The following RNFT1 variants were observed in gnomAD, a reference collection of about 807,000 sequenced individuals.
RNFT1 encodes E3 ubiquitin-protein ligase RNFT1.
In RNFT1, 35 loss-of-function variants were observed where a neutral mutation model predicts 53.2. That is an observed-to-expected ratio of 0.66 (90% CI 0.50 to 0.87). The LOEUF (loss-of-function observed/expected upper bound fraction) is 0.87, where lower values mean the gene tolerates loss of function less well. Ranked by LOEUF, RNFT1 falls within the 40% of genes least tolerant of loss-of-function variation. The pLI, the probability that RNFT1 is intolerant of heterozygous loss-of-function variation, is 0.00. For synonymous variants in RNFT1, 141 were observed against 172.8 expected, an observed-to-expected ratio of 0.82 and a Z score of 1.44; for missense variants, 421 against 515.0, an observed-to-expected ratio of 0.82 and a Z score of 1.77.
intron 6 of RNFT1, 92 bp from the exon 7 acceptor site, chr17:59,956,645 CTCA>C (rs1328031398): frequency 3.7e-6 from 3 of 815,816 alleles, no homozygotes; most frequent in African/African-American, 1.7e-5. Context: ...ACATCAAATC[CTCA>C]TATTAACTTA....
At chr17:59,956,110 A>G (rs1006185837) in intron 7 of RNFT1, among the ~76,000 whole-genome samples, 3 of 152,210 alleles carry the variant, frequency 2.0e-5, no homozygotes, top group Admixed American at 6.5e-5. Flanking sequence ...GGATTTTCAC[A>G]GGTGAATAAG....
chr17:59,958,458 A>C lies in RNFT1; in HGVS notation c.693-14T>G. ...AAAAAAATTAAGCTACCAAAAGAAA[A>C]ACATCAAAATTTATCAGAGCAACAT... On this transcript the variant is annotated splice_polypyrimidine_tract_variant and intron_variant, in intron 4 of 8. Coordinates refer to ENST00000305783, the MANE Select transcript of RNFT1 (RefSeq NM_016125.4). 3 of 1,546,840 alleles carry C rather than the reference A, an allele frequency of 1.9e-6. No individual in the cohort carries two copies. In the South Asian group the frequency reaches 3.7e-5, roughly 19 times the overall value.
At chr17:59,953,950 T>G (rs1207624629) in intron 8 of RNFT1, 95 bp downstream of exon 8, 9 of 502,532 alleles carry the variant, frequency 1.8e-5, no homozygotes, top group African/African-American at 1.7e-4. Context: ...AACACTAGAT[T>G]TTTTTTTTTT....
At chr17:59,959,466 TCTTA>T (rs2045273859) in intron 4 of RNFT1, 1 of 152,258 alleles carries the variant, frequency 6.6e-6, no homozygotes, top group Non-Finnish European at 1.5e-5. Flanking sequence ...TAGTAAGTGT[TCTTA>T]CTTTCAGAAA....
In RNFT1 at chr17:59,963,166, T is replaced by C. The variant is rs768994695; in HGVS notation, c.175A>G (p.Thr59Ala). The C allele has an allele frequency of 2.7e-5, 44 of 1,614,072 alleles. No homozygotes were observed. Among genetic ancestry groups the C allele is most frequent in the Middle Eastern group, 1.6e-4 (1 of 6,084 alleles). Residue 59 changes from threonine (T) to alanine (A), a missense_variant, in exon 2 of 9, where the codon ACC becomes GCC. Transcript: ENST00000305783. ...AATCTTGTGTGGACACACTGAGGGGTTGAGGCATCCTCACTGCTTCCAGTT... is the reference window on the plus strand; with the variant it reads ...AATCTTGTGTGGACACACTGAGGGGCTGAGGCATCCTCACTGCTTCCAGTT... ...PGTGSSEDASTPQCVHTRLTG... is the reference protein window; with the variant it reads ...PGTGSSEDASAPQCVHTRLTG...
chr17:59,958,392 A>G lies in RNFT1; in HGVS notation c.745T>C (p.Trp249Arg). The G allele has an allele frequency of 6.2e-7, 1 of 1,602,176 alleles. No individual in the cohort carries two copies. The highest frequency in any genetic ancestry group is 8.5e-7 in the Non-Finnish European group (1 of 1,177,092). ...ATGAAGTCTGTAATTCCAACAATCC[A>G]AAATACTTCCCAGAAGCTCAAATGG... The part of the protein sequence containing the change: ...LDHLSFWEVF[W>R]IVGITDFILK... Residue 249 changes from tryptophan to arginine, a missense_variant, in exon 5 of 9, where the codon TGG becomes CGG. Physicochemically the swap from Trp to Arg is moderately radical, Grantham distance 101. Transcript: ENST00000305783.
At chr17:59,960,950 T>C (rs903329315) in intron 3 of RNFT1, among the ~76,000 whole-genome samples, 1 of 152,190 alleles carries the variant, frequency 6.6e-6, no homozygotes, top group Non-Finnish European at 1.5e-5. Context: ...ACTTTTTTAA[T>C]ATATGGGGTC....
Position 59,958,449 on chromosome 17 carries a change from CAAAAGA to C in RNFT1, c.693-11_693-6del. The C allele has an allele frequency of 1.3e-6, 2 of 1,555,734 alleles. No individual in the cohort carries two copies. The highest frequency in any genetic ancestry group is 2.5e-5 in the South Asian group (2 of 81,166). ...GTAGGATTTAAAAAAATTAAGCTAC[CAAAAGA>C]AAAACATCAAAATTTATCAGAGCAA... On this transcript the variant is annotated splice_polypyrimidine_tract_variant and splice_region_variant and intron_variant, in intron 4 of 8. Transcript: ENST00000305783.
At chr17:59,962,344 A>G (rs2045299826) in intron 3 of RNFT1, 196 bp downstream of exon 3, 3 of 484,464 alleles carry the variant, frequency 6.2e-6, no homozygotes, top group Non-Finnish European at 1.1e-5. Flanking sequence ...CAAAGAAGGT[A>G]AGGTGAAGGA....
Position 59,962,576 on chromosome 17 carries a change from A to G in RNFT1, c.555T>C (p.Tyr185=). The G allele has an allele frequency of 2.5e-6, 4 of 1,606,978 alleles. No individual in the cohort carries two copies. Among genetic ancestry groups the G allele is most frequent in the Non-Finnish European group, 3.4e-6 (4 of 1,178,110 alleles). The part of the protein sequence containing the change: ...LGIGLLTTFM[Y]ANKSIVNQVF... ...CCTGATTTACAATGCTTTTGTTTGC[A>G]TACATAAAAGTTGTTAGCAGCCCAA... The change falls in exon 3 of 9, where the codon TAT becomes TAC. Residue 185 remains tyrosine (Y), a synonymous_variant. Coordinates refer to ENST00000305783, the MANE Select transcript of RNFT1 (RefSeq NM_016125.4).
Position 59,954,066 on chromosome 17 carries a change from C to T in RNFT1, c.1152G>A (p.Lys384=). 1.3e-6 allele frequency: 2 copies of T among 1,587,414 alleles called. No individual in the cohort carries two copies. Among genetic ancestry groups the T allele is most frequent in the Non-Finnish European group, 1.7e-6 (2 of 1,168,992 alleles). The change falls in exon 8 of 9, where the codon AAG becomes AAA. Residue 384 remains lysine, a synonymous_variant. Coordinates refer to ENST00000305783, the MANE Select transcript of RNFT1 (RefSeq NM_016125.4). ...TTACCTGACAAATGAGAAGAATTGG[C>T]TTCTGAAATTCAGCTTGACATATTG... ...ICSICQAEFQ[K]PILLICQHIF...
intron 3 of RNFT1, among the ~76,000 whole-genome samples, chr17:59,961,639 C>T (rs2045293014): frequency 6.6e-6 from 1 of 151,676 alleles, no homozygotes; most frequent in Non-Finnish European, 1.5e-5. Context: ...TGCAGTGGCA[C>T]AATCTTGGCT....
chr17:59,959,958 AAAACT>A, intron 4 of RNFT1, 105 bp downstream of exon 4: 1 of 1,130,170 alleles, frequency 8.8e-7, no homozygotes, highest in Non-Finnish European at 1.2e-6. Context: ...GAGAAAGTTA[AAAACT>A]GAACTGAACT....
At chr17:59,953,283 C>T (rs1334740007) in intron 8 of RNFT1, among the ~76,000 whole-genome samples, 172 bp from the exon 9 acceptor site, 2 of 151,966 alleles carry the variant, frequency 1.3e-5, no homozygotes, top group East Asian at 1.9e-4. Flanking sequence ...GCAACCTCCG[C>T]CCCCGACTGG....
In RNFT1 at chr17:59,953,054, G is replaced by A. The variant is rs1255672718; in HGVS notation, c.1231C>T (p.Leu411Phe). 3.1e-6 allele frequency: 5 copies of A among 1,612,514 alleles called. No homozygotes were observed. In the Admixed American group the frequency reaches 6.7e-5, roughly 22 times the overall value. ...TGGTCTGAAATCACAGTTCTGCAGA[G>A]TGGACATGTTTTCTCTCTGTTAAAC... is the stretch of plus-strand genomic sequence containing the variant. ...LWFNREKTCP[L>F]CRTVISDHIN... is the part of the protein sequence containing the mutation. Residue 411 changes from leucine (L) to phenylalanine (F), a missense_variant, in exon 9 of 9, where the codon CTC (leucine) becomes TTC (phenylalanine). Physicochemically the swap from Leu to Phe is conservative, Grantham distance 22 (BLOSUM62 0). Coordinates refer to ENST00000305783, the MANE Select transcript of RNFT1 (RefSeq NM_016125.4).
In RNFT1 at chr17:59,957,233, G is replaced by T; in HGVS notation, c.996C>A (p.Leu332=). The T allele has an allele frequency of 1.2e-6, 2 of 1,612,526 alleles. No individual in the cohort carries two copies. The highest frequency in any genetic ancestry group is 2.7e-5 in the African/African-American group (2 of 74,926). ...TTGTAATGTTACCTACTTTTAATAT[G>T]AGGTAGAGTAAAGCCAGCAGTATCC... ...SLGILLALLY[L]ILKLLEFFGH... Residue 332 remains leucine, a synonymous_variant, in exon 6 of 9, where the codon CTC becomes CTA. Transcript: ENST00000305783.
In RNFT1 at chr17:59,963,159, T is replaced by C; in HGVS notation, c.182A>G (p.Gln61Arg). The change falls in exon 2 of 9, where the codon CAG becomes CGG. Residue 61 changes from glutamine to arginine, a missense_variant. Physicochemically the swap from Gln to Arg is conservative, Grantham distance 43. Transcript: ENST00000305783. The stretch of plus-strand genomic sequence containing the variant: ...TCCTGTCAATCTTGTGTGGACACAC[T>C]GAGGGGTTGAGGCATCCTCACTGCT... The part of the protein sequence containing the change: ...TGSSEDASTP[Q>R]CVHTRLTGEG... 1.2e-6 allele frequency: 2 copies of C among 1,614,222 alleles called. No individual in the cohort carries two copies. Among genetic ancestry groups the C allele is most frequent in the Non-Finnish European group, 8.5e-7 (1 of 1,180,026 alleles).
chr17:59,961,957 C>T (rs1423675312), intron 3 of RNFT1, among the ~76,000 whole-genome samples: 6 of 144,910 alleles, frequency 4.1e-5, no homozygotes, highest in African/African-American at 1.6e-4. Context: ...GCGATCTCAG[C>T]TCACTGCAAC....
At chr17:59,955,269 C>G (rs2045246766) in intron 7 of RNFT1, among the ~76,000 whole-genome samples, 1 of 152,112 alleles carries the variant, frequency 6.6e-6, no homozygotes, top group Non-Finnish European at 1.5e-5. Flanking sequence ...GTTAGATGAT[C>G]TTGGTGTCAA....
Sources: gnomAD v4.1 joint callset for allele counts (sites outside exome capture counted in the v4.1 genomes callset) on GRCh38, gnomAD v4.1.1 for gene constraint, MANE v1.5 for transcripts, NCBI Gene and HGNC (gene_info 2026-07-23, HGNC 2026-07-21) for gene names.